Variants in MYZAP observed in about 807,000 individuals in gnomAD.
The protein encoded by MYZAP is GRINL1A complex locus upstream.
MYZAP carries 66 observed loss-of-function variants against 69.4 expected under a neutral mutation model. The ratio of observed to expected loss-of-function variants is 0.95; its 90% confidence interval spans 0.78 to 1.17. The LOEUF is 1.17. Among genes scored for constraint, MYZAP ranks in the 50% most tolerant of loss-of-function variants. The pLI, the probability that MYZAP is intolerant of heterozygous loss-of-function variation, is 0.00. For synonymous variants in MYZAP, 256 were observed against 205.9 expected (o/e 1.24, Z -2.09); for missense variants, 611 against 556.2 (o/e 1.10, Z -0.99).
chr15:57,654,998 C>T (rs1168956000), intron 10 of MYZAP, among the ~76,000 whole-genome samples: 7 of 151,984 alleles, frequency 4.6e-5, no homozygotes, highest in African/African-American at 1.7e-4. Context: ...ATAATTGATG[C>T]ACTAAACACT....
chr15:57,657,601 C>A (rs2038070692), intron 10 of MYZAP, among the ~76,000 whole-genome samples: 1 of 152,066 alleles, frequency 6.6e-6, no homozygotes, highest in Non-Finnish European at 1.5e-5. Flanking sequence ...TAATTTATTA[C>A]CCTTTCCTTT....
chr15:57,640,723 G>C (rs1595898985), intron 10 of MYZAP, among the ~76,000 whole-genome samples: 1 of 152,172 alleles, frequency 6.6e-6, no homozygotes, highest in East Asian at 1.9e-4. Flanking sequence ...ATACACATTA[G>C]ATAAAAGTTT....
At chr15:57,646,467 T>C (rs575719963) in intron 10 of MYZAP, 1 of 1,033,342 alleles carries the variant, frequency 9.7e-7, no homozygotes, top group African/African-American at 1.7e-5. Context: ...GAGTAGACAT[T>C]GAAGAAGGAA....
intron 9 of MYZAP, among the ~76,000 whole-genome samples, chr15:57,638,625 C>T (rs1387053666): frequency 9.2e-5 from 14 of 152,064 alleles, no homozygotes; most frequent in Admixed American, 9.2e-4. Flanking sequence ...CCCCAGCGGC[C>T]CCAGAGAACT....
chr15:57,611,320 T>G (rs2035088226), intron 2 of MYZAP, among the ~76,000 whole-genome samples: 1 of 152,244 alleles, frequency 6.6e-6, no homozygotes, highest in African/African-American at 2.4e-5. Flanking sequence ...GAACATTGAC[T>G]TGCGTGCCTT....
intron 10 of MYZAP, among the ~76,000 whole-genome samples, chr15:57,655,990 C>G (rs1023418186): frequency 1.3e-5 from 2 of 152,176 alleles, no homozygotes; most frequent in Non-Finnish European, 2.9e-5. Context: ...TGGTAACTTG[C>G]GTCATTTACC....
chr15:57,621,209 T>TTC (rs1204272670), intron 3 of MYZAP, among the ~76,000 whole-genome samples: 6 of 146,148 alleles, frequency 4.1e-5, no homozygotes, highest in East Asian at 2.0e-4. Context: ...CTTTTTCTTT[T>TTC]TTTTTTTTTT....
intron 2 of MYZAP, among the ~76,000 whole-genome samples, chr15:57,616,822 C>CTTTTTTTTTGTTTTTTTTTTTTTTTTTT (rs2035487025): frequency 2.0e-5 from 1 of 50,058 alleles, no homozygotes; most frequent in Non-Finnish European, 3.5e-5. Flanking sequence ...AAAAAAAGTG[C>CTTTTTTTTTGTTTTTTTTTTTTTTTTTT]TTTTTTTTTT....
chr15:57,664,046 T>C (rs959541095), intron 11 of MYZAP, among the ~76,000 whole-genome samples: 3 of 151,112 alleles, frequency 2.0e-5, no homozygotes, highest in Admixed American at 6.6e-5. Flanking sequence ...GGTTTTAATT[T>C]ATTTTGTCAT....
chr15:57,639,809 G>A (rs765202857), intron 10 of MYZAP, among the ~76,000 whole-genome samples: 9 of 152,202 alleles, frequency 5.9e-5, no homozygotes, highest in Admixed American at 2.0e-4. Flanking sequence ...CACCCACTGT[G>A]AAAGGACAGT....
intron 1 of MYZAP, among the ~76,000 whole-genome samples, chr15:57,598,020 T>A (rs2034174163): frequency 6.6e-6 from 1 of 152,176 alleles, no homozygotes; most frequent in Non-Finnish European, 1.5e-5. Flanking sequence ...CTTGGCTAAT[T>A]TCCTTAGGGA....
intron 7 of MYZAP, 102 bp downstream of exon 7, chr15:57,632,661 T>G: frequency 6.5e-7 from 1 of 1,531,468 alleles, no homozygotes; most frequent in Non-Finnish European, 8.8e-7. Context: ...GGTGGGTCAG[T>G]AGACTCAGCC....
intron 1 of MYZAP, among the ~76,000 whole-genome samples, chr15:57,602,907 T>C (rs1176594878): frequency 6.6e-6 from 1 of 152,208 alleles, no homozygotes; most frequent in African/African-American, 2.4e-5. Flanking sequence ...ATTACTGTTA[T>C]TGTCCCCTCG....
At chr15:57,647,112 C>T in intron 10 of MYZAP, 1 of 985,414 alleles carries the variant, frequency 1.0e-6, no homozygotes, top group Non-Finnish European at 1.2e-6. Context: ...TCCTATCACT[C>T]CTTCATGGCA....
At chr15:57,596,740 C>G (rs532855574) in intron 1 of MYZAP, among the ~76,000 whole-genome samples, 1 of 152,334 alleles carries the variant, frequency 6.6e-6, no homozygotes, top group Admixed American at 6.5e-5. Flanking sequence ...TATATGTGGT[C>G]TTCTCAGATA....
rs752932553 is a variant in MYZAP, at chr15:57,621,717, G to T, written c.411+17G>T. The stretch of plus-strand genomic sequence containing the variant: ...GAACTATCAGTAAGTCATTATCTCA[G>T]TTGCTTGGAGATAGGGAGGCATGGC... On this transcript the variant is annotated intron_variant, in intron 4 of 12. Transcript: ENST00000267853. 1 of 1,612,400 alleles carries T rather than the reference G, an allele frequency of 6.2e-7. No individual in the cohort carries two copies. Among genetic ancestry groups the T allele is most frequent in the South Asian group, 1.1e-5 (1 of 90,980 alleles).
chr15:57,644,695 G>A (rs2037350344), intron 10 of MYZAP, among the ~76,000 whole-genome samples: 1 of 152,068 alleles, frequency 6.6e-6, no homozygotes, highest in South Asian at 2.1e-4. Context: ...CCAACTCCTG[G>A]CCTCTAGCAA....
Position 57,674,955 on chromosome 15 carries a change from T to C in MYZAP, c.1204-13T>C. On this transcript the variant is annotated splice_polypyrimidine_tract_variant and intron_variant, in intron 11 of 12. Transcript: ENST00000267853. ...TTTGACTTACTGAAAGTACCTTTTT[T>C]TCTCATCTCCAGAATAATGAACTAC... The C allele has an allele frequency of 6.2e-7, 1 of 1,604,102 alleles. No homozygotes were observed.
chr15:57,678,068 G>C (rs1022036348), intron 12 of MYZAP, among the ~76,000 whole-genome samples: 1 of 135,168 alleles, frequency 7.4e-6, no homozygotes, highest in Non-Finnish European at 1.6e-5. Context: ...AAAAAGAAAA[G>C]AAATAAAAAA....
Sources: gnomAD v4.1 joint callset for allele counts (sites outside exome capture counted in the v4.1 genomes callset) on GRCh38, gnomAD v4.1.1 for gene constraint, MANE v1.5 for transcripts, NCBI Gene and HGNC (gene_info 2026-07-23, HGNC 2026-07-21) for gene names.